The following FAM177A1 variants were observed in gnomAD, a reference collection of about 807,000 sequenced individuals.
FAM177A1 encodes protein FAM177A1.
In FAM177A1, 22 loss-of-function variants were observed where a neutral mutation model predicts 26.1. The ratio of observed to expected loss-of-function variants is 0.84; its 90% confidence interval spans 0.60 to 1.20. The LOEUF (loss-of-function observed/expected upper bound fraction) is 1.20. Ranked by LOEUF, FAM177A1 falls within the 50% of genes most tolerant of loss-of-function variation. The pLI is 0.00. For missense variants in FAM177A1, 296 were observed against 291.1 expected (o/e 1.02, Z -0.12); for synonymous variants, 95 against 99.3 (o/e 0.96, Z 0.26).
intron 3 of FAM177A1, among the ~76,000 whole-genome samples, chr14:35,077,986 TTAA>T (rs1314636988): frequency 1.3e-4 from 20 of 152,208 alleles, no homozygotes; most frequent in African/African-American, 2.9e-4. Flanking sequence ...AACTTATAAC[TTAA>T]TAATGCTAAT....
rs767636712 is a variant in FAM177A1, at chr14:35,046,493, C to G, written c.30C>G (p.Leu10=). 6.2e-7 allele frequency: 1 copy of G among 1,601,972 alleles called. No individual in the cohort carries two copies. The highest frequency in any genetic ancestry group is 8.5e-7 in the Non-Finnish European group (1 of 1,175,790). MEVGLPAIT[L]FLTSASSPVV... ...AAGTGGGCTTACCGGCCATTACCCT[C>G]TTTCTCACCAGCGCCAGCAGCCCTG... The change falls in exon 1 of 5, where the codon CTC becomes CTG. Residue 10 remains leucine, a synonymous_variant. Transcript: ENST00000280987.
At chr14:35,063,679 G>GC (rs1296588248) in intron 2 of FAM177A1, among the ~76,000 whole-genome samples, 1 of 152,052 alleles carries the variant, frequency 6.6e-6, no homozygotes, top group Non-Finnish European at 1.5e-5. Context: ...TCATTTTAGA[G>GC]TTTATAAAAT....
intron 2 of FAM177A1, among the ~76,000 whole-genome samples, chr14:35,064,504 T>C (rs1420692432): frequency 6.6e-6 from 1 of 152,206 alleles, no homozygotes; most frequent in African/African-American, 2.4e-5. Context: ...GACATTTTAC[T>C]TGAATTCTAA....
intron 2 of FAM177A1, among the ~76,000 whole-genome samples, chr14:35,065,177 CTTTT>C (rs540285544): frequency 6.9e-6 from 1 of 143,914 alleles, no homozygotes; most frequent in Non-Finnish European, 1.5e-5. Flanking sequence ...TGGAGGGAAA[CTTTT>C]TTTTTTTTGA....
intron 4 of FAM177A1, among the ~76,000 whole-genome samples, chr14:35,080,072 C>A (rs150916090): frequency 6.6e-6 from 1 of 152,284 alleles, no homozygotes; most frequent in East Asian, 1.9e-4. Context: ...CTCAAGCAAG[C>A]CCCAGAGTAA....
At chr14:35,051,342 A>G (rs1311053835) in intron 1 of FAM177A1, among the ~76,000 whole-genome samples, 1 of 151,702 alleles carries the variant, frequency 6.6e-6, no homozygotes. Context: ...CTGGTCTCCA[A>G]CTCCTGACAT....
chr14:35,076,745 G>A (rs780892772), intron 2 of FAM177A1, among the ~76,000 whole-genome samples: 8 of 152,128 alleles, frequency 5.3e-5, no homozygotes, highest in South Asian at 2.1e-4. Context: ...GCATAAGTAT[G>A]TCAGATGGCA....
rs147961973 is a variant in FAM177A1, at chr14:35,053,450, C to T, written c.338C>T (p.Pro113Leu). 26 of 1,613,530 alleles carry T rather than the reference C, an allele frequency of 1.6e-5. No homozygotes were observed. The highest frequency in any genetic ancestry group is 1.6e-4 in the Middle Eastern group (1 of 6,078). ...EKKDVLPTVD[P>L]TKLTWGPYLW... The stretch of plus-strand genomic sequence containing the variant: ...AAAGATGTTTTGCCTACTGTTGATC[C>T]GGTAGGTTTGATATTGATGATTCTT... The change falls in exon 2 of 5, where the codon CCG becomes CTG. Residue 113 changes from proline to leucine, a missense_variant and splice_region_variant. By Grantham distance (98) the Pro-to-Leu change is moderately conservative. Transcript: ENST00000280987.
In FAM177A1 at chr14:35,079,020, A is replaced by G. The variant is rs1456207099; in HGVS notation, c.500A>G (p.Lys167Arg). 1 of 1,554,600 alleles carries G rather than the reference A, an allele frequency of 6.4e-7. No individual in the cohort carries two copies. The highest frequency in any genetic ancestry group is 8.6e-7 in the Non-Finnish European group (1 of 1,160,880). The change falls in exon 4 of 5, where the codon AAG becomes AGG. Residue 167 changes from lysine to arginine, a missense_variant. Physicochemically the swap from Lys to Arg is conservative, Grantham distance 26 (BLOSUM62 2). Coordinates refer to ENST00000280987, the MANE Select transcript of FAM177A1 (RefSeq NM_173607.5). ...YAIDEYYRMK[K>R]EEEEEEEENR... ...ATTGATGAATATTATCGGATGAAGA[A>G]GGAGGTATGCCTCCTTTTTACATTT...
At chr14:35,055,657 G>A (rs1344803192) in intron 2 of FAM177A1, among the ~76,000 whole-genome samples, 1 of 151,590 alleles carries the variant, frequency 6.6e-6, no homozygotes, top group African/African-American at 2.4e-5. Context: ...AGCTGGTCTC[G>A]AGCTCCTGCC....
chr14:35,078,976 C>T lies in FAM177A1; in HGVS notation c.456C>T (p.Thr152=). ...EKIASVLGIS[T]PKYQYAIDEY... ...TTGCATCTGTTTTGGGTATCAGCAC[C>T]CCAAAGTACCAATATGCCATTGATG... is the stretch of plus-strand genomic sequence containing the variant. The change falls in exon 4 of 5, where the codon ACC becomes ACT. Residue 152 remains threonine (T), a synonymous_variant. Transcript: ENST00000280987. 1 of 1,554,142 alleles carries T rather than the reference C, an allele frequency of 6.4e-7. No homozygotes were observed. The highest frequency in any genetic ancestry group is 2.4e-5 in the East Asian group (1 of 40,964).
intron 2 of FAM177A1, among the ~76,000 whole-genome samples, chr14:35,070,627 G>A (rs1365680770): frequency 2.0e-5 from 3 of 151,742 alleles, no homozygotes; most frequent in Non-Finnish European, 4.4e-5. Flanking sequence ...CACACCCGGC[G>A]GAGCTACAAG....
At chr14:35,063,922 C>T (rs2045199386) in intron 2 of FAM177A1, among the ~76,000 whole-genome samples, 1 of 151,266 alleles carries the variant, frequency 6.6e-6, no homozygotes, top group African/African-American at 2.4e-5. Flanking sequence ...GTGGCACAAG[C>T]CTGTAATCCC....
At chr14:35,076,773 A>T (rs2045403024) in intron 2 of FAM177A1, among the ~76,000 whole-genome samples, 1 of 152,062 alleles carries the variant, frequency 6.6e-6, no homozygotes, top group African/African-American at 2.4e-5. Flanking sequence ...GTTTCTTTCT[A>T]TTGACTGAAC....
chr14:35,054,272 T>G (rs1464117560), intron 2 of FAM177A1, among the ~76,000 whole-genome samples: 6 of 152,184 alleles, frequency 3.9e-5, no homozygotes, highest in Admixed American at 3.3e-4. Context: ...AAGATAAGAA[T>G]ATACATTTCT....
chr14:35,072,384 A>G (rs1017446887), intron 2 of FAM177A1, among the ~76,000 whole-genome samples: 3 of 152,072 alleles, frequency 2.0e-5, no homozygotes, highest in Non-Finnish European at 2.9e-5. Context: ...CTTCTTCCTC[A>G]TTGTCTTCAC....
intron 2 of FAM177A1, chr14:35,055,099 C>G (rs1433048953): frequency 6.6e-6 from 1 of 151,898 alleles, no homozygotes; most frequent in Non-Finnish European, 1.5e-5. Context: ...GTCAGGAGTT[C>G]GAGACCAGCC....
chr14:35,074,684 A>G (rs150440537), intron 2 of FAM177A1, among the ~76,000 whole-genome samples: 1,641 of 151,944 alleles, frequency 0.011, 37 homozygotes, highest in African/African-American at 0.038. Flanking sequence ...CCTTTTAATC[A>G]TTAGTATATA....
intron 3 of FAM177A1, 123 bp from the exon 4 acceptor site, chr14:35,078,791 ATAGATCTATTAGG>A: frequency 1.8e-6 from 1 of 556,126 alleles, no homozygotes; most frequent in South Asian, 3.4e-5. Context: ...TATACAGAAG[ATAGATCTATTAGG>A]TTTTTATAAT....
Sources: allele counts gnomAD v4.1 joint callset (sites outside exome capture counted in the v4.1 genomes callset), GRCh38; gene constraint gnomAD v4.1.1; transcripts MANE v1.5; gene names NCBI Gene and HGNC (gene_info 2026-07-23, HGNC 2026-07-21).